Variants in CCN4 observed in about 807,000 individuals in gnomAD.
CCN4 encodes the protein cellular communication network factor 4, also known as CCN family member 4.
CCN4 carries 30 observed loss-of-function variants against 36.7 expected under a neutral mutation model. That is an observed-to-expected ratio of 0.82 (90% CI 0.61 to 1.11). The LOEUF (loss-of-function observed/expected upper bound fraction) is 1.11, where lower values mean the gene tolerates loss of function less well. Ranked by LOEUF, CCN4 falls within the 50% of genes least tolerant of loss-of-function variation. The pLI, the probability that CCN4 is intolerant of heterozygous loss-of-function variation, is 0.00. For synonymous variants in CCN4, 191 were observed against 195.4 expected (o/e 0.98, Z 0.19); for missense variants, 505 against 504.9 (o/e 1.00, Z 0.00).
rs569261632 is a variant in CCN4, at chr8:133,223,856, T to G, written c.611-1534T>G. On this transcript the variant is annotated intron_variant, in intron 3 of 4. Transcript: ENST00000250160. ...TAACAGCTTTTAACCTGCTTTGGTC[T>G]CGAGCTCACCACCATTTTCCGTTTT... Among the ~76,000 whole-genome samples, 152 of 152,300 alleles carry G rather than the reference T, an allele frequency of 1.0e-3. 6 individuals are homozygous for G. In the South Asian group the frequency reaches 0.03, roughly 31 times the overall value.
chr8:133,194,708 G>A (rs1437366587), intron 1 of CCN4, among the ~76,000 whole-genome samples: 1 of 115,264 alleles, frequency 8.7e-6, no homozygotes, highest in Non-Finnish European at 1.6e-5. Context: ...GGGTGTGTGT[G>A]GTGTGTGTGG....
chr8:133,198,947 A>C (rs896418566), intron 1 of CCN4, among the ~76,000 whole-genome samples: 4 of 152,264 alleles, frequency 2.6e-5, no homozygotes, highest in Non-Finnish European at 5.9e-5. Context: ...TGCATATTGC[A>C]GGTGCTCACA....
At chr8:133,220,871 G>A in intron 3 of CCN4, 30 bp downstream of exon 3, 2 of 1,577,286 alleles carry the variant, frequency 1.3e-6, no homozygotes, top group Non-Finnish European at 1.7e-6. Flanking sequence ...GGCTGGGGGT[G>A]GGACCCTACA....
At chr8:133,203,999 T>C (rs543266887) in intron 1 of CCN4, among the ~76,000 whole-genome samples, 1 of 152,340 alleles carries the variant, frequency 6.6e-6, no homozygotes, top group East Asian at 1.9e-4. Flanking sequence ...ATCTCAAAAA[T>C]ACATGTGAAA....
intron 2 of CCN4, among the ~76,000 whole-genome samples, chr8:133,213,934 T>C (rs1220758887): frequency 6.6e-5 from 9 of 137,328 alleles, no homozygotes; most frequent in Non-Finnish European, 1.2e-4. Flanking sequence ...ATATACTATA[T>C]ATACACTATA....
At chr8:133,224,228 CCTTTT>C (rs1394032944) in intron 3 of CCN4, among the ~76,000 whole-genome samples, 1 of 58,906 alleles carries the variant, frequency 1.7e-5, no homozygotes, top group Non-Finnish European at 3.1e-5. Context: ...GCCCGTAAGT[CCTTTT>C]TTTTTTTTTT....
intron 1 of CCN4, among the ~76,000 whole-genome samples, chr8:133,204,493 G>C (rs530526723): frequency 6.1e-5 from 9 of 146,974 alleles, no homozygotes; most frequent in Non-Finnish European, 1.0e-4. Flanking sequence ...AATTCCCAAG[G>C]GTTGCTGGTC....
chr8:133,225,479 G>A lies in CCN4; in HGVS notation c.700G>A (p.Val234Ile). Residue 234 changes from valine to isoleucine, a missense_variant, in exon 4 of 5, where the codon GTC (valine) becomes ATC (isoleucine). Transcript: ENST00000250160. ...SPCSTSCGLG[V>I]STRISNVNAQ... Reference sequence around the variant, plus strand: ...TTGCTCCACCAGCTGCGGCCTGGGGGTCTCCACTCGGATCTCCAATGTTAA... The same window carrying A: ...TTGCTCCACCAGCTGCGGCCTGGGGATCTCCACTCGGATCTCCAATGTTAA... The A allele has an allele frequency of 6.2e-7, 1 of 1,614,084 alleles. No individual in the cohort carries two copies. Among genetic ancestry groups the A allele is most frequent in the Non-Finnish European group, 8.5e-7 (1 of 1,179,996 alleles).
At chr8:133,201,584 G>C (rs1358129108) in intron 1 of CCN4, among the ~76,000 whole-genome samples, 1 of 152,186 alleles carries the variant, frequency 6.6e-6, no homozygotes, top group Admixed American at 6.5e-5. Context: ...GCTCATGCTT[G>C]TAATCCCAGC....
At chr8:133,217,354 A>G (rs541195265) in intron 2 of CCN4, among the ~76,000 whole-genome samples, 1 of 152,380 alleles carries the variant, frequency 6.6e-6, no homozygotes, top group South Asian at 2.1e-4. Flanking sequence ...AAGGGAGGGA[A>G]GGCCCCGATG....
chr8:133,194,598 GTGTGTGTGTGGGTT>G (rs2130519082), intron 1 of CCN4, among the ~76,000 whole-genome samples: 1 of 128,558 alleles, frequency 7.8e-6, no homozygotes, highest in Non-Finnish European at 1.7e-5. Flanking sequence ...TGTGTGGGGT[GTGTGTGTGTGGGTT>G]TGTGTAGTGT....
chr8:133,219,482 G>A (rs1434360616), intron 2 of CCN4, among the ~76,000 whole-genome samples: 3 of 152,106 alleles, frequency 2.0e-5, no homozygotes, highest in East Asian at 1.9e-4. Context: ...TCCCAGTTGC[G>A]CTGAGAATAC....
intron 2 of CCN4, among the ~76,000 whole-genome samples, chr8:133,219,602 CAA>C (rs1854444418): frequency 6.6e-6 from 1 of 152,214 alleles, no homozygotes; most frequent in African/African-American, 2.4e-5. Context: ...CTTTGAAAAA[CAA>C]AAGATATCAT....
intron 1 of CCN4, among the ~76,000 whole-genome samples, chr8:133,211,304 A>G (rs1198441617): frequency 5.3e-5 from 8 of 152,246 alleles, no homozygotes; most frequent in Non-Finnish European, 1.5e-5. Flanking sequence ...CTCTCCCATA[A>G]GCTGTGGGTT....
intron 1 of CCN4, among the ~76,000 whole-genome samples, chr8:133,212,149 G>C (rs1854067686): frequency 6.6e-6 from 1 of 152,122 alleles, no homozygotes; most frequent in Non-Finnish European, 1.5e-5. Flanking sequence ...AGTGGAGTGT[G>C]TATGTGTTGG....
chr8:133,225,100 A>G (rs1340679216), intron 3 of CCN4, among the ~76,000 whole-genome samples: 1 of 152,182 alleles, frequency 6.6e-6, no homozygotes, highest in African/African-American at 2.4e-5. Flanking sequence ...CACAGCTTGT[A>G]GGTGGTAGAG....
rs533662816 is a variant in CCN4, at chr8:133,212,962, G to C, written c.168G>C (p.Pro56=). The C allele has an allele frequency of 1.2e-5, 19 of 1,613,926 alleles. No homozygotes were observed. The highest frequency in any genetic ancestry group is 1.6e-5 in the Non-Finnish European group (19 of 1,179,940). The change falls in exon 2 of 5, where the codon CCG becomes CCC. Residue 56 remains proline, a synonymous_variant. Coordinates refer to ENST00000250160, the MANE Select transcript of CCN4 (RefSeq NM_003882.4). The part of the protein sequence containing the change: ...PQFCKWPCEC[P]PSPPRCPLGV... ...TCTGCAAGTGGCCATGTGAGTGCCCGCCATCCCCACCCCGCTGCCCGCTGG... is the reference window on the plus strand; with the variant it reads ...TCTGCAAGTGGCCATGTGAGTGCCCCCCATCCCCACCCCGCTGCCCGCTGG...
rs748072529 is a variant in CCN4 at position 133,212,872 on chromosome 8, T to G, written c.78T>G (p.Ser26=). ...AASTVLATAL[S]PAPTTMDFTP... Reference sequence around the variant, plus strand: ...CTGCCCTCCCCCCGCAGGCCCTCTCTCCAGCCCCTACGACCATGGACTTTA... The same window carrying G: ...CTGCCCTCCCCCCGCAGGCCCTCTCGCCAGCCCCTACGACCATGGACTTTA... The change falls in exon 2 of 5, where the codon TCT becomes TCG. Residue 26 remains serine (S), a synonymous_variant. Transcript: ENST00000250160. 32 of 1,575,602 alleles carry G rather than the reference T, an allele frequency of 2.0e-5. No individual in the cohort carries two copies. The highest frequency in any genetic ancestry group is 2.8e-5 in the Non-Finnish European group (32 of 1,154,598).
chr8:133,211,071 T>C (rs1324252276), intron 1 of CCN4, among the ~76,000 whole-genome samples: 1 of 152,196 alleles, frequency 6.6e-6, no homozygotes, highest in Non-Finnish European at 1.5e-5. Flanking sequence ...GTGCGCCAGG[T>C]TCAGAGCCTA....
Sources: gnomAD v4.1 joint callset for allele counts (sites outside exome capture counted in the v4.1 genomes callset) on GRCh38, gnomAD v4.1.1 for gene constraint, MANE v1.5 for transcripts, NCBI Gene and HGNC (gene_info 2026-07-23, HGNC 2026-07-21) for gene names.